RBFOX1: variants seen among roughly 807,000 people sequenced by gnomAD.
RBFOX1 encodes RNA binding protein fox-1 homolog 1.
A neutral mutation model predicts 57.7 loss-of-function variants in RBFOX1; 8 were observed. The ratio of observed to expected loss-of-function variants is 0.14; its 90% CI spans 0.08 to 0.25. The LOEUF is 0.25. Ranked by LOEUF, RBFOX1 falls within the 10% of genes least tolerant of loss-of-function variation. RBFOX1 has a pLI of 1.00. For missense variants in RBFOX1, 611 were observed against 548.5 expected (o/e 1.11, Z -1.14); for synonymous variants, 326 against 222.4 (o/e 1.47, Z -4.15).
chr16:6,971,645 C>T (rs1287536561), intron 3 of RBFOX1, among the ~76,000 whole-genome samples: 1 of 152,008 alleles, frequency 6.6e-6, no homozygotes, highest in East Asian at 1.9e-4. Flanking sequence ...GTCAAACATT[C>T]CAATTAGGAA....
chr16:7,153,768 T>A (rs2076555594), intron 4 of RBFOX1, among the ~76,000 whole-genome samples: 1 of 149,506 alleles, frequency 6.7e-6, no homozygotes, highest in Admixed American at 6.7e-5. Context: ...GGAAAGGACA[T>A]GTGTTTTATT....
chr16:5,783,736 G>C (rs551554704), intron 3 of RBFOX1, among the ~76,000 whole-genome samples: 6 of 152,174 alleles, frequency 3.9e-5, no homozygotes, highest in Non-Finnish European at 2.9e-5. Flanking sequence ...CTGCTGATGT[G>C]CCAAAACTTA....
At chr16:6,974,344 T>C (rs1421426519) in intron 3 of RBFOX1, among the ~76,000 whole-genome samples, 6 of 117,476 alleles carry the variant, frequency 5.1e-5, no homozygotes, top group African/African-American at 1.0e-4. Flanking sequence ...TTCTTTTTTT[T>C]TTTTTTTTTT....
intron 1 of RBFOX1, among the ~76,000 whole-genome samples, chr16:6,160,480 G>A (rs530047432): frequency 6.6e-6 from 1 of 151,844 alleles, no homozygotes; most frequent in Non-Finnish European, 1.5e-5. Context: ...TCACCTCTTG[G>A]CCCCTCCAGC....
intron 4 of RBFOX1, among the ~76,000 whole-genome samples, chr16:7,381,799 C>G (rs2097785889): frequency 6.6e-6 from 1 of 152,266 alleles, no homozygotes; most frequent in East Asian, 1.9e-4. Context: ...TCCACCTTGG[C>G]AGTGTGGACG....
intron 3 of RBFOX1, among the ~76,000 whole-genome samples, chr16:6,806,652 T>A (rs979145907): frequency 6.6e-6 from 1 of 151,620 alleles, no homozygotes; most frequent in Non-Finnish European, 1.5e-5. Flanking sequence ...GGTAACAGAT[T>A]TGTATTATAT....
chr16:7,428,323 CTTTT>C (rs201523653), intron 4 of RBFOX1, among the ~76,000 whole-genome samples: 17 of 112,318 alleles, frequency 1.5e-4, no homozygotes, highest in African/African-American at 3.2e-4. Context: ...GAATTAATAT[CTTTT>C]TTTTTTTTTT....
intron 2 of RBFOX1, among the ~76,000 whole-genome samples, chr16:5,586,237 C>T (rs1451741817): frequency 6.6e-6 from 1 of 152,134 alleles, no homozygotes; most frequent in Non-Finnish European, 1.5e-5. Flanking sequence ...TTTCAGACTT[C>T]AGGCCTTCAG....
chr16:5,372,765 A>G (rs1039663429), intron 1 of RBFOX1, among the ~76,000 whole-genome samples: 2 of 152,252 alleles, frequency 1.3e-5, no homozygotes, highest in South Asian at 4.1e-4. Flanking sequence ...TTGATTGCAA[A>G]TAAGGAGATT....
At chr16:7,184,016 G>A (rs954310258) in intron 4 of RBFOX1, among the ~76,000 whole-genome samples, 1 of 152,210 alleles carries the variant, frequency 6.6e-6, no homozygotes, top group Admixed American at 6.5e-5. Context: ...GATGAGGGGC[G>A]ATGCAGATGG....
chr16:6,448,681 A>G (rs2094534946), intron 2 of RBFOX1, among the ~76,000 whole-genome samples: 1 of 152,072 alleles, frequency 6.6e-6, no homozygotes, highest in Admixed American at 6.6e-5. Context: ...CATGCTGTCT[A>G]CTCATGAGAC....
At chr16:5,842,861 T>G (rs1428281034) in intron 3 of RBFOX1, among the ~76,000 whole-genome samples, 1 of 152,136 alleles carries the variant, frequency 6.6e-6, no homozygotes. Flanking sequence ...CACTGTCGCC[T>G]GGACTAGAGT....
intron 1 of RBFOX1, chr16:5,270,943 G>T (rs2062989010): frequency 2.6e-6 from 1 of 378,530 alleles, no homozygotes; most frequent in Non-Finnish European, 4.9e-6. Flanking sequence ...ACTAGTCCAA[G>T]AATCTGTTTA....
intron 1 of RBFOX1, among the ~76,000 whole-genome samples, chr16:5,260,129 A>G (rs2062697452): frequency 1.3e-5 from 2 of 152,326 alleles, no homozygotes; most frequent in Admixed American, 1.3e-4. Context: ...TAAGCCTGGG[A>G]GGTGGAGGTT....
rs939047243 is a variant in RBFOX1 at position 7,246,334 on chromosome 16, C to T, written c.27+194236C>T. Among the ~76,000 whole-genome samples, 3 of 152,168 alleles carry T rather than the reference C, an allele frequency of 2.0e-5. No homozygotes were observed. In the East Asian group the frequency reaches 5.8e-4, roughly 29 times the overall value. The stretch of plus-strand genomic sequence containing the variant: ...CCTCCCTGGATTCCCTGTCTCCGTC[C>T]TTGCTCCCTGGCATCCCCCACAGCA... On this transcript the variant is annotated intron_variant, in intron 4 of 15. Transcript: ENST00000550418.
At chr16:6,905,199 A>G (rs546199630) in intron 3 of RBFOX1, among the ~76,000 whole-genome samples, 16 of 151,766 alleles carry the variant, frequency 1.1e-4, no homozygotes, top group Non-Finnish European at 1.9e-4. Flanking sequence ...TCTCAATAAC[A>G]CTTGTTCCTT....
Position 5,947,129 on chromosome 16 carries a change from T to C in RBFOX1, c.351+79794T>C, listed in dbSNP as rs556329794. Among the ~76,000 whole-genome samples the C allele has an allele frequency of 1.3e-5, 2 of 152,162 alleles. No homozygotes were observed. The highest frequency in any genetic ancestry group is 1.3e-4 in the Admixed American group (2 of 15,278). On this transcript the variant is annotated intron_variant, in intron 4 of 19. Coordinates refer to the RBFOX1 transcript ENST00000641259. The surrounding 1 kb of genome is among the most constrained non-coding windows in gnomAD (Gnocchi z 7.2). ...TACTCAGGAGGCTGAGGTAGGAGGA[T>C]CATGTGAACTCAGGAGGTTGAGGTT...
chr16:6,106,427 C>G (rs772442749), intron 1 of RBFOX1, among the ~76,000 whole-genome samples: 3 of 139,016 alleles, frequency 2.2e-5, no homozygotes, highest in Non-Finnish European at 3.0e-5. Context: ...GATCGTGCCA[C>G]TGTACTCCAG....
intron 3 of RBFOX1, among the ~76,000 whole-genome samples, chr16:5,732,148 A>G (rs2052396664): frequency 6.6e-6 from 1 of 152,206 alleles, no homozygotes; most frequent in Non-Finnish European, 1.5e-5. Flanking sequence ...TAATTGCGGC[A>G]TTTCAGCATT....
Sources: gnomAD v4.1 joint callset for allele counts (sites outside exome capture counted in the v4.1 genomes callset) on GRCh38, gnomAD v4.1.1 for gene constraint, Gnocchi (gnomAD v3.1) non-coding constraint, MANE v1.5 for transcripts, NCBI Gene and HGNC (gene_info 2026-07-23, HGNC 2026-07-21) for gene names.